SYN3: variants seen among roughly 807,000 people sequenced by gnomAD.
SYN3 encodes synapsin-3.
Under a neutral mutation model 65.8 loss-of-function variants are expected in SYN3, and 35 were observed. The observed-to-expected ratio is 0.53, with a 90% CI of 0.41 to 0.70. The LOEUF (loss-of-function observed/expected upper bound fraction) is 0.70, where lower values mean the gene tolerates loss of function less well. Among genes scored for constraint, SYN3 ranks in the 30% least tolerant of loss-of-function variants. The probability of loss-of-function intolerance (pLI) is 0.00; values close to 1 mark genes in which losing one functional copy is unlikely to be tolerated. For synonymous variants in SYN3, 270 were observed against 292.9 expected (o/e 0.92, Z 0.80); for missense variants, 680 against 749.0 (o/e 0.91, Z 1.08).
At chr22:32,743,526 G>A (rs1011455555) in intron 6 of SYN3, among the ~76,000 whole-genome samples, 1 of 152,140 alleles carries the variant, frequency 6.6e-6, no homozygotes, top group African/African-American at 2.4e-5. Context: ...TGAGACAACC[G>A]TCCATGCTGC....
rs118098281 is a variant in SYN3 at position 32,833,532 on chromosome 22, A to C, written c.711+31383T>G. 1.9e-3 allele frequency among the ~76,000 whole-genome samples: 293 copies of C among 152,238 alleles called. 2 individuals carry two copies. The East Asian group carries it at 0.029, about 15-fold the overall frequency. On this transcript the variant is annotated intron_variant, in intron 6 of 13. Transcript: ENST00000358763. Reference sequence around the variant, plus strand: ...TGGGACTGTAGAAGAAATTCAAAGGAGCTTACACTGAGTGACCCTGAAGGT... The same window carrying C: ...TGGGACTGTAGAAGAAATTCAAAGGCGCTTACACTGAGTGACCCTGAAGGT...
At chr22:32,767,456 G>A (rs1181239398) in intron 6 of SYN3, among the ~76,000 whole-genome samples, 1 of 151,958 alleles carries the variant, frequency 6.6e-6, no homozygotes, top group Non-Finnish European at 1.5e-5. Flanking sequence ...TGAGATCCAT[G>A]TTTTGACTGA....
intron 3 of SYN3, among the ~76,000 whole-genome samples, chr22:32,979,001 A>C (rs1323243680): frequency 2.0e-5 from 3 of 152,138 alleles, no homozygotes; most frequent in African/African-American, 7.2e-5. Context: ...CAACATGGTG[A>C]AATTCCATCT....
chr22:32,640,867 G>A (rs1051838392), intron 6 of SYN3, among the ~76,000 whole-genome samples: 8 of 151,072 alleles, frequency 5.3e-5, no homozygotes, highest in Admixed American at 2.6e-4. Context: ...ACTCTGTCTC[G>A]GAAAAAAAAA....
chr22:32,635,415 C>CTATG (rs2059802373), intron 6 of SYN3, among the ~76,000 whole-genome samples: 1 of 152,178 alleles, frequency 6.6e-6, no homozygotes, highest in South Asian at 2.1e-4. Flanking sequence ...TTCCCAGTGA[C>CTATG]TATGATACAG....
chr22:32,752,576 C>G (rs1897556679), intron 6 of SYN3, among the ~76,000 whole-genome samples: 1 of 152,244 alleles, frequency 6.6e-6, no homozygotes, highest in Admixed American at 6.5e-5. Context: ...CGCATTTGTT[C>G]TGAGCACTTG....
intron 7 of SYN3, among the ~76,000 whole-genome samples, chr22:32,559,331 T>C (rs1251730067): frequency 6.6e-6 from 1 of 152,144 alleles, no homozygotes; most frequent in Non-Finnish European, 1.5e-5. Flanking sequence ...CAAATAGATA[T>C]ATGACATATT....
At chr22:32,823,307 G>C (rs2047307934) in intron 6 of SYN3, among the ~76,000 whole-genome samples, 1 of 152,176 alleles carries the variant, frequency 6.6e-6, no homozygotes, top group Admixed American at 6.5e-5. Flanking sequence ...TCTCTCCAAG[G>C]TCCCTGCAGG....
intron 7 of SYN3, among the ~76,000 whole-genome samples, chr22:32,563,888 C>G (rs1471587389): frequency 6.6e-6 from 1 of 152,070 alleles, no homozygotes. Context: ...AGGATGGTCT[C>G]GAACTCCTGA....
chr22:32,648,395 G>A (rs1222044816), intron 6 of SYN3, among the ~76,000 whole-genome samples: 1 of 152,024 alleles, frequency 6.6e-6, no homozygotes, highest in East Asian at 1.9e-4. Flanking sequence ...TTTGAAAATA[G>A]GTTTATTGAA....
chr22:33,057,115 G>A (rs1442354810), intron 1 of SYN3, among the ~76,000 whole-genome samples: 2 of 152,210 alleles, frequency 1.3e-5, no homozygotes, highest in African/African-American at 2.4e-5. Context: ...CCCTTAAGCA[G>A]GGAAGAGTAT....
At chr22:32,713,502 G>C (rs1288951014) in intron 6 of SYN3, among the ~76,000 whole-genome samples, 1 of 152,184 alleles carries the variant, frequency 6.6e-6, no homozygotes, top group East Asian at 1.9e-4. Flanking sequence ...TTGGTGGCCT[G>C]TGCCTCCATT....
intron 7 of SYN3, among the ~76,000 whole-genome samples, chr22:32,586,258 A>G (rs1475831489): frequency 3.3e-5 from 5 of 152,092 alleles, no homozygotes; most frequent in Non-Finnish European, 5.9e-5. Context: ...ATAAGTGAAT[A>G]CTGACCCATT....
At chr22:32,800,167 AG>A (rs1380983941) in intron 6 of SYN3, among the ~76,000 whole-genome samples, 2 of 152,242 alleles carry the variant, frequency 1.3e-5, no homozygotes, top group Non-Finnish European at 2.9e-5. Context: ...AGATGTAAAC[AG>A]AGGAGTTCTG....
At chr22:32,605,999 T>G (rs1490082247) in intron 6 of SYN3, among the ~76,000 whole-genome samples, 1 of 152,168 alleles carries the variant, frequency 6.6e-6, no homozygotes, top group Middle Eastern at 3.2e-3. Flanking sequence ...ATAATAGATT[T>G]TGGTCACTGA....
chr22:32,822,388 G>A (rs2047275283), intron 6 of SYN3, among the ~76,000 whole-genome samples: 1 of 152,144 alleles, frequency 6.6e-6, no homozygotes, highest in African/African-American at 2.4e-5. Context: ...TGGGGAATCT[G>A]GGACTTGCAC....
Position 32,977,081 on chromosome 22 carries a change from A to G in SYN3, c.369+3564T>C, listed in dbSNP as rs567223739. ...GATTCCAAGATGGATTTGGAAAGGT[A>G]TGTCTACTGGGGAAAAATGCCCAAA... On this transcript the variant is annotated intron_variant, in intron 3 of 13. Transcript: ENST00000358763. Among the ~76,000 whole-genome samples, 4 of 152,272 alleles carry G rather than the reference A, an allele frequency of 2.6e-5. No homozygotes were observed. In the East Asian group the frequency reaches 7.7e-4, roughly 29 times the overall value.
intron 6 of SYN3, among the ~76,000 whole-genome samples, chr22:32,724,487 G>A (rs1569174860): frequency 2.0e-5 from 3 of 152,160 alleles, no homozygotes; most frequent in African/African-American, 7.2e-5. Flanking sequence ...GTGCCTCAGT[G>A]TCTTCTTCTC....
intron 6 of SYN3, among the ~76,000 whole-genome samples, chr22:32,638,039 G>A (rs2059843662): frequency 6.6e-6 from 1 of 152,148 alleles, no homozygotes; most frequent in African/African-American, 2.4e-5. Flanking sequence ...CTTCATGTTA[G>A]GTCCCATTCA....
Sources: gnomAD v4.1 joint callset for allele counts (sites outside exome capture counted in the v4.1 genomes callset) on GRCh38, gnomAD v4.1.1 for gene constraint, MANE v1.5 for transcripts, NCBI Gene and HGNC (gene_info 2026-07-23, HGNC 2026-07-21) for gene names.